The following DHRSX variants were observed in gnomAD, a reference collection of about 807,000 sequenced individuals.
DHRSX encodes the protein polyprenol dehydrogenase.
DHRSX carries 31 observed loss-of-function variants against 34.0 expected under a neutral mutation model. That is an observed-to-expected ratio of 0.91 (90% CI 0.69 to 1.23). The LOEUF (loss-of-function observed/expected upper bound fraction) is 1.23, where lower values mean the gene tolerates loss of function less well. Ranked by LOEUF, DHRSX falls within the 50% of genes most tolerant of loss-of-function variation. DHRSX has a pLI of 0.00. For synonymous variants in DHRSX, 201 were observed against 183.8 expected (o/e 1.09, Z -0.76); for missense variants, 414 against 428.1 (o/e 0.97, Z 0.29).
chrX:2,389,442 C>T (rs1408679076), intron 3 of DHRSX, among the ~76,000 whole-genome samples: 2 of 152,112 alleles, frequency 1.3e-5, no homozygotes, highest in East Asian at 3.9e-4. Context: ...AGGTAGGTTT[C>T]GTGTCCACCT....
At chrX:2,472,190 G>A (rs1281365597) in intron 1 of DHRSX, among the ~76,000 whole-genome samples, 1 of 150,348 alleles carries the variant, frequency 6.7e-6, no homozygotes, top group East Asian at 1.9e-4. Flanking sequence ...GAACATGCAC[G>A]GAGGTGGAGG....
At chrX:2,471,710 C>T (rs890410634) in intron 1 of DHRSX, among the ~76,000 whole-genome samples, 1 of 152,112 alleles carries the variant, frequency 6.6e-6, no homozygotes, top group Non-Finnish European at 1.5e-5. Context: ...CACAGTTTCC[C>T]GGAAAGGTGA....
intron 4 of DHRSX, among the ~76,000 whole-genome samples, chrX:2,269,011 A>T (rs1415350517): frequency 3.9e-5 from 6 of 152,230 alleles, no homozygotes; most frequent in Admixed American, 3.9e-4. Flanking sequence ...ATGTATTTCA[A>T]TATGGAGCTA....
chrX:2,465,664 CAG>C (rs2044481584), intron 1 of DHRSX, among the ~76,000 whole-genome samples: 1 of 151,438 alleles, frequency 6.6e-6, no homozygotes. Flanking sequence ...AAAGAAAAAT[CAG>C]GGTGTAGGGG....
chrX:2,360,608 TCACC>T (rs1168856686), intron 3 of DHRSX, among the ~76,000 whole-genome samples: 6 of 151,552 alleles, frequency 4.0e-5, no homozygotes, highest in Non-Finnish European at 1.5e-5. Context: ...AAAATACACA[TCACC>T]CACCATTTCT....
chrX:2,462,163 A>T (rs1460060943), intron 1 of DHRSX, among the ~76,000 whole-genome samples: 1 of 150,696 alleles, frequency 6.6e-6, no homozygotes, highest in Non-Finnish European at 1.5e-5. Context: ...AGGACGAATA[A>T]GTGGATTCCA....
At chrX:2,472,874 G>T (rs28483103) in intron 1 of DHRSX, among the ~76,000 whole-genome samples, 3 of 151,924 alleles carry the variant, frequency 2.0e-5, no homozygotes, top group Non-Finnish European at 2.9e-5. Flanking sequence ...TAGGAAATCA[G>T]GGATTTCCAA....
At position 2,367,266 on chromosome X, in the gene DHRSX, C is replaced by T. The variant is rs1183775861; in HGVS notation, c.286+41479G>A. ...CAGCCTGACCAACATGGTGAAATCCCGTCTCTACTAAAAATACAAAAATTA... is the reference window on the plus strand; with the variant it reads ...CAGCCTGACCAACATGGTGAAATCCTGTCTCTACTAAAAATACAAAAATTA... On this transcript the variant is annotated intron_variant, in intron 3 of 6. Coordinates refer to ENST00000334651, the MANE Select transcript of DHRSX (RefSeq NM_145177.3). Among the ~76,000 whole-genome samples, 15 of 151,790 alleles carry T rather than the reference C, an allele frequency of 9.9e-5. No homozygotes were observed. In the South Asian group the frequency reaches 2.5e-3, roughly 25 times the overall value.
intron 3 of DHRSX, among the ~76,000 whole-genome samples, chrX:2,332,411 C>T (rs1296847072): frequency 6.6e-6 from 1 of 152,184 alleles, no homozygotes; most frequent in Non-Finnish European, 1.5e-5. Context: ...CTTTTGAAAT[C>T]AGCGTGTTAA....
chrX:2,452,240 T>G (rs918415652), intron 1 of DHRSX, among the ~76,000 whole-genome samples: 1 of 150,984 alleles, frequency 6.6e-6, no homozygotes, highest in Non-Finnish European at 1.5e-5. Flanking sequence ...ACTGCTGCCA[T>G]GTGCACATTG....
intron 2 of DHRSX, among the ~76,000 whole-genome samples, chrX:2,410,557 C>A (rs146260178): frequency 1.3e-5 from 2 of 152,156 alleles, no homozygotes; most frequent in African/African-American, 4.8e-5. Context: ...TGAGTCAACA[C>A]GGCGTATTGA....
chrX:2,472,050 C>T (rs2044601258), intron 1 of DHRSX, among the ~76,000 whole-genome samples: 1 of 150,770 alleles, frequency 6.6e-6, no homozygotes. Flanking sequence ...AAGGCTGAGG[C>T]AGGACAACTG....
chrX:2,310,120 G>A (rs1448190413), intron 3 of DHRSX, among the ~76,000 whole-genome samples: 1 of 152,000 alleles, frequency 6.6e-6, no homozygotes, highest in Admixed American at 6.6e-5. Flanking sequence ...CGGGATCCAG[G>A]CAGCCAGAGG....
chrX:2,479,037 G>A (rs28712854), intron 1 of DHRSX, among the ~76,000 whole-genome samples: 29,634 of 151,296 alleles, frequency 0.2, 3,874 homozygotes, highest in African/African-American at 0.38. Flanking sequence ...CCCTAAGCAT[G>A]TAGCCCAAGG....
chrX:2,408,932 A>G (rs1030548458), intron 2 of DHRSX, 119 bp from the exon 3 acceptor site: 5 of 865,418 alleles, frequency 5.8e-6, no homozygotes, highest in Non-Finnish European at 7.3e-6. Context: ...TGTGCCTTTG[A>G]TGGACTTTCC....
At chrX:2,276,712 T>A (rs1363942853) in intron 4 of DHRSX, among the ~76,000 whole-genome samples, 1 of 142,692 alleles carries the variant, frequency 7.0e-6, no homozygotes, top group African/African-American at 2.6e-5. Context: ...GAAAGGAGAG[T>A]GATGGGGATG....
intron 3 of DHRSX, among the ~76,000 whole-genome samples, chrX:2,296,573 GGC>G (rs2041935415): frequency 9.2e-6 from 1 of 108,576 alleles, no homozygotes; most frequent in African/African-American, 4.4e-5. Flanking sequence ...ATAGGACCCA[GGC>G]AGATAGGAAT....
chrX:2,294,808 GA>G (rs200100140), intron 3 of DHRSX, among the ~76,000 whole-genome samples: 2 of 149,226 alleles, frequency 1.3e-5, no homozygotes, highest in Non-Finnish European at 1.5e-5. Flanking sequence ...AGAGAGAGAG[GA>G]AAAAGAGAGG....
At chrX:2,415,288 A>C (rs2043679658) in intron 2 of DHRSX, among the ~76,000 whole-genome samples, 1 of 151,880 alleles carries the variant, frequency 6.6e-6, no homozygotes, top group Non-Finnish European at 1.5e-5. Context: ...ACTAGATTTC[A>C]TTATGACCAC....
Sources: allele counts gnomAD v4.1 joint callset (sites outside exome capture counted in the v4.1 genomes callset), GRCh38; gene constraint gnomAD v4.1.1; transcripts MANE v1.5; gene names NCBI Gene and HGNC (gene_info 2026-07-23, HGNC 2026-07-21).